KLRF2: variants seen among roughly 807,000 people sequenced by gnomAD.
KLRF2 encodes the protein killer cell lectin-like receptor subfamily F member 2.
In KLRF2, 28 loss-of-function variants were observed where a neutral mutation model predicts 25.3. The observed-to-expected ratio is 1.11, with a 90% CI of 0.82 to 1.52. The LOEUF (loss-of-function observed/expected upper bound fraction) is 1.52. Among genes scored for constraint, KLRF2 ranks in the 40% most tolerant of loss-of-function variants. KLRF2 has a pLI of 0.00. For synonymous variants in KLRF2, 73 were observed against 85.0 expected, an observed-to-expected ratio of 0.86 and a Z score of 0.78; for missense variants, 265 against 245.8, an observed-to-expected ratio of 1.08 and a Z score of -0.52.
At chr12:9,887,125 G>A (rs1350321801) in intron 2 of KLRF2, among the ~76,000 whole-genome samples, 1 of 151,824 alleles carries the variant, frequency 6.6e-6, no homozygotes, top group Non-Finnish European at 1.5e-5. Context: ...GAAGAAAATA[G>A]GTGAAAAAAA....
At chr12:9,893,636 T>C in intron 5 of KLRF2, 95 bp downstream of exon 5, 1 of 475,692 alleles carries the variant, frequency 2.1e-6, no homozygotes, top group Non-Finnish European at 3.6e-6. Context: ...CTTCTTTCTC[T>C]GTTTTCCCTT....
chr12:9,884,459 C>G (rs1296083745), intron 1 of KLRF2, among the ~76,000 whole-genome samples: 1 of 151,382 alleles, frequency 6.6e-6, no homozygotes, highest in African/African-American at 2.4e-5. Flanking sequence ...ATATTTCTTT[C>G]CCTCTTTTAT....
intron 2 of KLRF2, among the ~76,000 whole-genome samples, chr12:9,886,074 A>C (rs1332864677): frequency 6.6e-6 from 1 of 152,184 alleles, no homozygotes; most frequent in African/African-American, 2.4e-5. Flanking sequence ...TGACATAAAT[A>C]ATGCAATAAT....
chr12:9,890,244 A>C (rs1282451283), intron 3 of KLRF2, among the ~76,000 whole-genome samples: 1 of 152,186 alleles, frequency 6.6e-6, no homozygotes, highest in Non-Finnish European at 1.5e-5. Context: ...GATATATAAC[A>C]AATTACCACA....
chr12:9,881,673 T>C lies in KLRF2; in HGVS notation c.70+8T>C. The C allele has an allele frequency of 6.5e-7, 1 of 1,529,840 alleles. No homozygotes were observed. The highest frequency in any genetic ancestry group is 8.8e-7 in the Non-Finnish European group (1 of 1,141,302). 94.8% of individuals were successfully genotyped at this position (1,529,840 alleles called of 1,614,324 possible). A position where few individuals can be genotyped will look rare whatever the true frequency, so the allele number is the denominator to read the frequency against. On this transcript the variant is annotated splice_region_variant and intron_variant, in intron 1 of 5. Coordinates refer to ENST00000535540, the MANE Select transcript of KLRF2 (RefSeq NM_001190765.1). ...CGAAGCAGAAATCTAAAGGTAGGAATACTGCTCCCCATCACCGCATTTAAA... is the reference window on the plus strand; with the variant it reads ...CGAAGCAGAAATCTAAAGGTAGGAACACTGCTCCCCATCACCGCATTTAAA...
At chr12:9,890,228 T>G (rs1862659400) in intron 3 of KLRF2, among the ~76,000 whole-genome samples, 1 of 152,220 alleles carries the variant, frequency 6.6e-6, no homozygotes, top group African/African-American at 2.4e-5. Flanking sequence ...GCATTTGTTT[T>G]TGATTGATAT....
intron 2 of KLRF2, among the ~76,000 whole-genome samples, chr12:9,888,054 C>T (rs1261844304): frequency 1.5e-5 from 1 of 65,498 alleles, no homozygotes; most frequent in South Asian, 5.8e-4. Context: ...GACCCTGTGT[C>T]AAAAAAAAAA....
intron 1 of KLRF2, among the ~76,000 whole-genome samples, chr12:9,882,765 A>T (rs1868108181): frequency 6.7e-6 from 1 of 148,678 alleles, no homozygotes. Context: ...TGAGTGACAG[A>T]GCAAGACTCC....
intron 2 of KLRF2, among the ~76,000 whole-genome samples, chr12:9,886,813 T>TC (rs1243913878): frequency 3.5e-5 from 5 of 143,824 alleles, no homozygotes; most frequent in Non-Finnish European, 7.6e-5. Context: ...CAGTGAGATA[T>TC]ATAGATAGAG....
In KLRF2 at chr12:9,893,469, G is replaced by A; in HGVS notation, c.407G>A (p.Trp136Ter). The A allele has an allele frequency of 6.6e-7, 1 of 1,517,394 alleles. No homozygotes were observed. Among genetic ancestry groups the A allele is most frequent in the Non-Finnish European group, 8.8e-7 (1 of 1,131,128 alleles). The allele number at this position is 1,517,394 out of a possible 1,614,324, so 94.0% of individuals were successfully genotyped here. ...AGTTTAAAACCTGGACATTTTGGTT[G>A]GATTGGACTATATGTTACATTCCAA... Reference protein sequence around the residue: ...QNSLKPGHFGWIGLYVTFQGN... With the variant: ...QNSLKPGHFG The change falls in exon 5 of 6, where the codon TGG (tryptophan) becomes TAG (stop). Residue 136 changes from tryptophan (W) to a stop codon, truncating the protein, a stop_gained. Transcript: ENST00000535540. LOFTEE classifies it high-confidence loss of function.
chr12:9,895,826 G>T lies in KLRF2; in HGVS notation c.617G>T (p.Gly206Val). The T allele has an allele frequency of 6.5e-7, 1 of 1,529,546 alleles. No individual in the cohort carries two copies. The highest frequency in any genetic ancestry group is 2.0e-5 in the Admixed American group (1 of 49,576). The allele number at this position is 1,529,546 out of a possible 1,614,324, so 94.7% of individuals were successfully genotyped here. ...ATCTTGACGCACAATGGAACCAGTG[G>T]TGTGTAAATGTACAACCAAACATAG... ...DAILTHNGTS[G>V]V is the part of the protein sequence containing the mutation. Residue 206 changes from glycine (G) to valine (V), a missense_variant, in exon 6 of 6, where the codon GGT (glycine) becomes GTT (valine). By Grantham distance (109) the Gly-to-Val change is moderately radical. Transcript: ENST00000535540.
intron 1 of KLRF2, among the ~76,000 whole-genome samples, chr12:9,882,761 A>G (rs1425445117): frequency 6.7e-6 from 1 of 150,150 alleles, no homozygotes; most frequent in Non-Finnish European, 1.5e-5. Context: ...AGCCTGAGTG[A>G]CAGAGCAAGA....
intron 1 of KLRF2, among the ~76,000 whole-genome samples, chr12:9,882,401 G>A (rs1868104015): frequency 6.6e-6 from 1 of 152,062 alleles, no homozygotes; most frequent in Non-Finnish European, 1.5e-5. Context: ...TCTTTTTTGT[G>A]TTTCAATATC....
At chr12:9,894,972 C>T (rs1187167676) in intron 5 of KLRF2, among the ~76,000 whole-genome samples, 1 of 152,066 alleles carries the variant, frequency 6.6e-6, no homozygotes, top group Non-Finnish European at 1.5e-5. Flanking sequence ...GTGGTTATAA[C>T]AGTGTTCAGT....
chr12:9,893,465 G>T lies in KLRF2; in HGVS notation c.403G>T (p.Gly135Cys). The T allele has an allele frequency of 6.6e-7, 1 of 1,511,306 alleles. No individual in the cohort carries two copies. Among genetic ancestry groups the T allele is most frequent in the Non-Finnish European group, 8.9e-7 (1 of 1,125,948 alleles). 93.6% of individuals were successfully genotyped at this position (1,511,306 alleles called of 1,614,324 possible). A position where few individuals can be genotyped will look rare whatever the true frequency, so the allele number is the denominator to read the frequency against. ...IQNSLKPGHF[G>C]WIGLYVTFQG... ...GAACAGTTTAAAACCTGGACATTTT[G>T]GTTGGATTGGACTATATGTTACATT... is the stretch of plus-strand genomic sequence containing the variant. The change falls in exon 5 of 6, where the codon GGT becomes TGT. Residue 135 changes from glycine (G) to cysteine (C), a missense_variant. Gly to Cys is a radical substitution (Grantham distance 159). Coordinates refer to ENST00000535540, the MANE Select transcript of KLRF2 (RefSeq NM_001190765.1).
chr12:9,885,725 T>A (rs1318089552), intron 2 of KLRF2, among the ~76,000 whole-genome samples: 3 of 152,006 alleles, frequency 2.0e-5, no homozygotes, highest in African/African-American at 7.2e-5. Context: ...CAAAGATATA[T>A]CCTACTTAAT....
chr12:9,895,704 A>C lies in KLRF2; in HGVS notation c.495A>C (p.Gly165=). 1 of 1,533,114 alleles carries C rather than the reference A, an allele frequency of 6.5e-7. No individual in the cohort carries two copies. The highest frequency in any genetic ancestry group is 8.7e-7 in the Non-Finnish European group (1 of 1,145,954). 95.0% of individuals were successfully genotyped at this position (1,533,114 alleles called of 1,614,324 possible). ...TGTCTCTTAGGTTTTCAGTGATTGGACCAACTGATGACAGGAGCTGTGCCG... is the reference window on the plus strand; with the variant it reads ...TGTCTCTTAGGTTTTCAGTGATTGGCCCAACTGATGACAGGAGCTGTGCCG... ...FLVPELFSVI[G]PTDDRSCAVI... is the part of the protein sequence containing the mutation. Residue 165 remains glycine, a synonymous_variant, in exon 6 of 6, where the codon GGA becomes GGC. Transcript: ENST00000535540.
At chr12:9,894,678 C>A (rs1262385485) in intron 5 of KLRF2, among the ~76,000 whole-genome samples, 1 of 152,054 alleles carries the variant, frequency 6.6e-6, no homozygotes, top group Non-Finnish European at 1.5e-5. Context: ...GAGCAAAGGC[C>A]ATGGAGTCAT....
intron 1 of KLRF2, among the ~76,000 whole-genome samples, chr12:9,882,365 CTT>C (rs1277735423): frequency 1.3e-5 from 2 of 152,272 alleles, no homozygotes; most frequent in Middle Eastern, 3.4e-3. Context: ...CAAAATGACA[CTT>C]TTGTTATTAT....
Sources: allele counts gnomAD v4.1 joint callset (sites outside exome capture counted in the v4.1 genomes callset), GRCh38; gene constraint gnomAD v4.1.1; transcripts MANE v1.5; gene names NCBI Gene and HGNC (gene_info 2026-07-23, HGNC 2026-07-21).